TBC1D1: variants seen among roughly 807,000 people sequenced by gnomAD.
The protein encoded by TBC1D1 is TBC1 (tre-2/USP6, BUB2, cdc16) domain family, member 1.
A neutral mutation model predicts 125.6 loss-of-function variants in TBC1D1; 89 were observed. That is an observed-to-expected ratio of 0.71 (90% CI 0.60 to 0.85). The LOEUF is 0.85. Among genes scored for constraint, TBC1D1 ranks in the 40% least tolerant of loss-of-function variants. The probability of loss-of-function intolerance (pLI) is 0.00; values close to 1 mark genes in which losing one functional copy is unlikely to be tolerated. For synonymous variants in TBC1D1, 565 were observed against 564.1 expected (o/e 1.00, Z -0.02); for missense variants, 1,377 against 1,469.2 (o/e 0.94, Z 1.03).
At chr4:38,074,795 T>G (rs1284910628) in intron 12 of TBC1D1, among the ~76,000 whole-genome samples, 1 of 151,168 alleles carries the variant, frequency 6.6e-6, no homozygotes, top group Non-Finnish European at 1.5e-5. Flanking sequence ...AAATTCTTGC[T>G]CTGTCACCCA....
At chr4:38,038,276 G>A (rs1414058699) in intron 8 of TBC1D1, among the ~76,000 whole-genome samples, 2 of 152,028 alleles carry the variant, frequency 1.3e-5, no homozygotes, top group Admixed American at 1.3e-4. Context: ...TAGTAGATAA[G>A]ATTTTCTTTC....
chr4:38,113,376 A>G (rs929848985), intron 15 of TBC1D1, among the ~76,000 whole-genome samples: 2 of 152,132 alleles, frequency 1.3e-5, no homozygotes, highest in African/African-American at 4.8e-5. Context: ...TGTGAGGCTT[A>G]AATAAGAAAT....
At chr4:37,912,704 A>G (rs1028695298) in intron 2 of TBC1D1, among the ~76,000 whole-genome samples, 1 of 152,246 alleles carries the variant, frequency 6.6e-6, no homozygotes, top group Non-Finnish European at 1.5e-5. Flanking sequence ...CATGAAACAT[A>G]TTAAGCCCTG....
At chr4:37,993,458 C>A (rs1422059108) in intron 2 of TBC1D1, among the ~76,000 whole-genome samples, 1 of 152,186 alleles carries the variant, frequency 6.6e-6, no homozygotes, top group Admixed American at 6.5e-5. Flanking sequence ...ACAATTCCCA[C>A]TTGGTAGATG....
At chr4:38,076,158 C>A (rs1460108678) in intron 12 of TBC1D1, among the ~76,000 whole-genome samples, 1 of 152,152 alleles carries the variant, frequency 6.6e-6, no homozygotes, top group Non-Finnish European at 1.5e-5. Flanking sequence ...AGGAAACTTA[C>A]AATCGTGGTG....
intron 8 of TBC1D1, among the ~76,000 whole-genome samples, chr4:38,043,647 G>A (rs971691130): frequency 6.6e-6 from 1 of 151,816 alleles, no homozygotes; most frequent in Non-Finnish European, 1.5e-5. Flanking sequence ...TCATTTAGTG[G>A]TTGTCAAGCA....
chr4:38,105,830 G>A (rs189790184), intron 15 of TBC1D1, among the ~76,000 whole-genome samples: 122 of 152,210 alleles, frequency 8.0e-4, no homozygotes, highest in African/African-American at 2.8e-3. Flanking sequence ...TTCTTTATCC[G>A]GTTCACTGTT....
chr4:38,034,129 G>T (rs1007359087), intron 7 of TBC1D1, among the ~76,000 whole-genome samples: 7 of 152,224 alleles, frequency 4.6e-5, no homozygotes, highest in African/African-American at 1.7e-4. Context: ...AACCATAAAT[G>T]GGAGTTCTTG....
chr4:38,041,492 A>G (rs879319885), intron 8 of TBC1D1, among the ~76,000 whole-genome samples: 1 of 152,222 alleles, frequency 6.6e-6, no homozygotes, highest in Non-Finnish European at 1.5e-5. Context: ...ACATGAGTCT[A>G]TAAGGAGCTC....
intron 2 of TBC1D1, among the ~76,000 whole-genome samples, chr4:37,983,472 C>G (rs1376188490): frequency 6.6e-6 from 1 of 152,174 alleles, no homozygotes; most frequent in East Asian, 1.9e-4. Context: ...TGTACGGTCA[C>G]CACACTGTGC....
At chr4:38,111,882 G>A (rs1762260354) in intron 15 of TBC1D1, 5 of 978,748 alleles carry the variant, frequency 5.1e-6, no homozygotes, top group Non-Finnish European at 4.9e-6. Flanking sequence ...CGCTAATCAG[G>A]AGCTGAAGGC....
At chr4:38,061,459 A>G (rs1248876320) in intron 12 of TBC1D1, among the ~76,000 whole-genome samples, 2 of 152,222 alleles carry the variant, frequency 1.3e-5, no homozygotes, top group African/African-American at 2.4e-5. Context: ...ATTTACCTCT[A>G]TGTGCTAGGG....
At chr4:37,935,991 C>T (rs75228516) in intron 2 of TBC1D1, among the ~76,000 whole-genome samples, 1 of 152,148 alleles carries the variant, frequency 6.6e-6, no homozygotes, top group Admixed American at 6.6e-5. Flanking sequence ...ATCACTTCCC[C>T]CAGGAGGCCT....
At chr4:37,982,967 C>T (rs896828598) in intron 2 of TBC1D1, among the ~76,000 whole-genome samples, 1 of 152,158 alleles carries the variant, frequency 6.6e-6, no homozygotes, top group African/African-American at 2.4e-5. Flanking sequence ...TGGAGCTGCA[C>T]TCACAGGAGG....
At position 38,039,182 on chromosome 4, in the gene TBC1D1, A is replaced by G. The variant is rs1220970647; in HGVS notation, c.1413+3484A>G. ...ACCCAGGCTGGAGTGCAGTGGCGCT[A>G]TCTTGGCTCACTGCAAGCCCCGCCT... is the stretch of plus-strand genomic sequence containing the variant. On this transcript the variant is annotated intron_variant, in intron 8 of 19. Transcript: ENST00000261439. Among the ~76,000 whole-genome samples, 9 of 115,120 alleles carry G rather than the reference A, an allele frequency of 7.8e-5. No homozygotes were observed. In the Admixed American group the frequency reaches 1.0e-3, roughly 13 times the overall value. The allele number at this position is 115,120 out of a possible 152,430, so 75.5% of individuals were successfully genotyped here. A position where few individuals can be genotyped will look rare whatever the true frequency, so the allele number is the denominator to read the frequency against.
intron 2 of TBC1D1, among the ~76,000 whole-genome samples, chr4:37,991,402 A>T (rs919527350): frequency 1.3e-4 from 20 of 152,154 alleles, no homozygotes; most frequent in Non-Finnish European, 1.3e-4. Context: ...TTTTTGTGCT[A>T]ATCCTGACTG....
intron 2 of TBC1D1, among the ~76,000 whole-genome samples, chr4:37,914,991 TA>T (rs1349769290): frequency 6.6e-6 from 1 of 152,242 alleles, no homozygotes; most frequent in Admixed American, 6.5e-5. Flanking sequence ...GTTCAGATAT[TA>T]TCATTGTCCA....
At position 38,133,020 on chromosome 4, in the gene TBC1D1, G is replaced by A. The variant is rs545177225; in HGVS notation, c.3133-64G>A. The stretch of plus-strand genomic sequence containing the variant: ...GGTGCGCATTGTCGTGATTGCAGAC[G>A]CCTGCCTGTACTTGTGGGGTTTTTC... On this transcript the variant is annotated intron_variant, in intron 18 of 19. Transcript: ENST00000261439. 14 of 1,480,680 alleles carry A rather than the reference G, an allele frequency of 9.5e-6. No homozygotes were observed. In the South Asian group the frequency reaches 1.3e-4, roughly 14 times the overall value. The allele number at this position is 1,480,680 out of a possible 1,614,324, so 91.7% of individuals were successfully genotyped here. A position where few individuals can be genotyped will look rare whatever the true frequency, so the allele number is the denominator to read the frequency against.
At chr4:38,096,217 C>T (rs1452302079) in intron 14 of TBC1D1, 127 bp downstream of exon 16, 1 of 726,280 alleles carries the variant, frequency 1.4e-6, no homozygotes, top group South Asian at 2.0e-5. Flanking sequence ...ACATCTTAAT[C>T]TATTTCCATA....
Sources: gnomAD v4.1 joint callset for allele counts (sites outside exome capture counted in the v4.1 genomes callset) on GRCh38, gnomAD v4.1.1 for gene constraint, MANE v1.5 for transcripts, NCBI Gene and HGNC (gene_info 2026-07-23, HGNC 2026-07-21) for gene names.